The following GALNT17 variants were observed in gnomAD, a reference collection of about 807,000 sequenced individuals.
GALNT17 encodes polypeptide N-acetylgalactosaminyltransferase 17, also known as UDP-GalNAc:polypeptide N-acetylgalactosaminyltransferase-like 3.
Under a neutral mutation model 63.7 loss-of-function variants are expected in GALNT17, and 29 were observed. The ratio of observed to expected loss-of-function variants is 0.46; its 90% CI spans 0.34 to 0.62. The LOEUF (loss-of-function observed/expected upper bound fraction) is 0.62, where lower values mean the gene tolerates loss of function less well. Among genes scored for constraint, GALNT17 ranks in the 20% least tolerant of loss-of-function variants. The pLI is 0.01. For synonymous variants in GALNT17, 305 were observed against 318.3 expected, an observed-to-expected ratio of 0.96 and a Z score of 0.45; for missense variants, 603 against 799.6, an observed-to-expected ratio of 0.75 and a Z score of 2.97.
intron 1 of GALNT17, among the ~76,000 whole-genome samples, chr7:71,248,037 A>G (rs1441388526): frequency 6.6e-6 from 1 of 152,160 alleles, no homozygotes; most frequent in Non-Finnish European, 1.5e-5. Context: ...ACACTGCTAT[A>G]AAGGAAGACC....
chr7:71,467,731 G>A (rs146192456), intron 5 of GALNT17, among the ~76,000 whole-genome samples: 9 of 151,972 alleles, frequency 5.9e-5, no homozygotes, highest in African/African-American at 2.2e-4. Context: ...TATGCATGGA[G>A]TTCTGCTCTA....
At chr7:71,593,208 C>T (rs1413778561) in intron 6 of GALNT17, among the ~76,000 whole-genome samples, 1 of 144,186 alleles carries the variant, frequency 6.9e-6, no homozygotes, top group Non-Finnish European at 1.5e-5. Context: ...AGTTTTGGGA[C>T]AAGAAGTCTA....
chr7:71,493,764 C>T (rs139038819), intron 5 of GALNT17, among the ~76,000 whole-genome samples: 2,943 of 152,258 alleles, frequency 0.019, 45 homozygotes, highest in Non-Finnish European at 0.03. Context: ...TCCCTTCTGT[C>T]CCCTCCACTT....
intron 1 of GALNT17, among the ~76,000 whole-genome samples, chr7:71,240,831 A>AT (rs1006668703): frequency 1.1e-4 from 17 of 151,778 alleles, no homozygotes; most frequent in African/African-American, 3.9e-4. Context: ...CGCCTGGCTA[A>AT]TTTTTTGTAT....
intron 1 of GALNT17, among the ~76,000 whole-genome samples, chr7:71,217,145 GTTTTTTTTTT>G (rs1197080765): frequency 2.4e-5 from 3 of 122,758 alleles, no homozygotes; most frequent in Non-Finnish European, 4.9e-5. Flanking sequence ...TTCGTGTTTT[GTTTTTTTTTT>G]TTTTTTTTTT....
rs113959274 is a variant in GALNT17 at position 71,486,617 on chromosome 7, A to G, written c.962+65512A>G. ...CCAGGCATGATGGTTCACACCTACA[A>G]TCAAAAGGCAGGCGGATTGCTTGAG... On this transcript the variant is annotated intron_variant, in intron 5 of 10. Transcript: ENST00000333538. Among the ~76,000 whole-genome samples the G allele has an allele frequency of 3.6e-3, 548 of 151,432 alleles. 4 individuals are homozygous for G. The highest frequency in any genetic ancestry group is 0.012 in the African/African-American group (502 of 41,344).
intron 5 of GALNT17, among the ~76,000 whole-genome samples, chr7:71,562,445 G>T (rs60560541): frequency 0.31 from 47,828 of 152,094 alleles, 7,712 homozygotes; most frequent in Admixed American, 0.35. Context: ...TAGAATCAGT[G>T]GGAGCCCTGA....
intron 5 of GALNT17, among the ~76,000 whole-genome samples, chr7:71,535,870 G>A (rs144816009): frequency 1.3e-5 from 2 of 152,290 alleles, no homozygotes; most frequent in African/African-American, 4.8e-5. Context: ...CTGCACCTGA[G>A]GCTGAGTTCC....
chr7:71,463,878 G>A (rs1787492681), intron 5 of GALNT17, among the ~76,000 whole-genome samples: 1 of 152,138 alleles, frequency 6.6e-6, no homozygotes, highest in South Asian at 2.1e-4. Flanking sequence ...GGATTTGGCA[G>A]GCTTCTTTAC....
At chr7:71,136,692 TCAGG>T (rs1259187994) in intron 1 of GALNT17, among the ~76,000 whole-genome samples, 2 of 151,552 alleles carry the variant, frequency 1.3e-5, no homozygotes, top group Non-Finnish European at 2.9e-5. Context: ...GCCATGTTGG[TCAGG>T]CTGGTGTTGA....
intron 1 of GALNT17, among the ~76,000 whole-genome samples, chr7:71,204,150 A>G (rs1188145505): frequency 1.3e-5 from 2 of 152,138 alleles, no homozygotes; most frequent in African/African-American, 2.4e-5. Context: ...ACCATTTATT[A>G]GAGACTGTCC....
chr7:71,333,359 A>G (rs764862039), intron 1 of GALNT17, among the ~76,000 whole-genome samples: 3 of 152,124 alleles, frequency 2.0e-5, no homozygotes, highest in African/African-American at 7.2e-5. Context: ...CCAATATTCC[A>G]TTGGTCTGGA....
At chr7:71,591,685 C>G (rs1789804226) in intron 6 of GALNT17, among the ~76,000 whole-genome samples, 1 of 152,088 alleles carries the variant, frequency 6.6e-6, no homozygotes, top group African/African-American at 2.4e-5. Context: ...GTTTTTGAGA[C>G]AGAGTCTTGC....
At chr7:71,225,280 T>C (rs1301767786) in intron 1 of GALNT17, among the ~76,000 whole-genome samples, 1 of 152,192 alleles carries the variant, frequency 6.6e-6, no homozygotes, top group African/African-American at 2.4e-5. Context: ...ATAGACTCAT[T>C]CTTACAGAAA....
chr7:71,708,971 C>T (rs1045471026), intron 9 of GALNT17, among the ~76,000 whole-genome samples: 4 of 152,112 alleles, frequency 2.6e-5, no homozygotes, highest in African/African-American at 9.7e-5. Flanking sequence ...TTTATGGGCA[C>T]GTGGGTTGAT....
intron 1 of GALNT17, among the ~76,000 whole-genome samples, chr7:71,176,528 GA>G (rs1219392742): frequency 6.6e-6 from 1 of 152,148 alleles, no homozygotes; most frequent in Non-Finnish European, 1.5e-5. Flanking sequence ...AGGGAATGAG[GA>G]GGATGGAGTT....
At chr7:71,185,947 G>A (rs921234166) in intron 1 of GALNT17, among the ~76,000 whole-genome samples, 2 of 152,198 alleles carry the variant, frequency 1.3e-5, no homozygotes, top group Admixed American at 1.3e-4. Context: ...CTCAGGAAAT[G>A]TTGGTAAGCT....
At chr7:71,511,036 G>A (rs557399386) in intron 5 of GALNT17, among the ~76,000 whole-genome samples, 2 of 152,064 alleles carry the variant, frequency 1.3e-5, no homozygotes, top group Admixed American at 1.3e-4. Flanking sequence ...GATAGAATTA[G>A]CCAGGCATGG....
chr7:71,209,142 C>T (rs1789329157), intron 1 of GALNT17, among the ~76,000 whole-genome samples: 1 of 152,188 alleles, frequency 6.6e-6, no homozygotes, highest in African/African-American at 2.4e-5. Context: ...ATGTAATTTC[C>T]ATGTGTTGCA....
Sources: gnomAD v4.1 joint callset for allele counts (sites outside exome capture counted in the v4.1 genomes callset) on GRCh38, gnomAD v4.1.1 for gene constraint, MANE v1.5 for transcripts, NCBI Gene and HGNC (gene_info 2026-07-23, HGNC 2026-07-21) for gene names.